AARS1: variants seen among roughly 807,000 people sequenced by gnomAD.
AARS1 encodes the protein alanine--tRNA ligase, cytoplasmic.
In AARS1, 72 loss-of-function variants were observed where a neutral mutation model predicts 108.9. The ratio of observed to expected loss-of-function variants is 0.66; its 90% CI spans 0.55 to 0.80. The LOEUF is 0.80. AARS1 is among the 30% of genes least tolerant of loss of function. The pLI, the probability that AARS1 is intolerant of heterozygous loss-of-function variation, is 0.00. For missense variants in AARS1, 1,193 were observed against 1,233.2 expected, an observed-to-expected ratio of 0.97 and a Z score of 0.49; for synonymous variants, 489 against 465.7, an observed-to-expected ratio of 1.05 and a Z score of -0.64.
chr16:70,277,149 T>C lies in AARS1; in HGVS notation c.150A>G (p.Lys50=). 6.2e-7 allele frequency: 1 copy of C among 1,613,900 alleles called. No homozygotes were observed. ...GGTCAATTGTGTTCAGGAAAATGGGTTTAAACTAAAAGAGAAGGACAGCAG... is the reference window on the plus strand; with the variant it reads ...GGTCAATTGTGTTCAGGAAAATGGGCTTAAACTAAAAGAGAAGGACAGCAG... The part of the protein sequence containing the change: ...LFANAGMNQF[K]PIFLNTIDPS... The change falls in exon 3 of 21, where the codon AAA becomes AAG. Residue 50 remains lysine (K), a synonymous_variant. Transcript: ENST00000261772.
chr16:70,268,142 T>C, intron 8 of AARS1, 129 bp downstream of exon 8: 1 of 883,306 alleles, frequency 1.1e-6, no homozygotes, highest in South Asian at 1.4e-5. Context: ...CACTCCAGCG[T>C]GGGTGACAGA....
At chr16:70,268,999 G>A (rs927889179) in intron 7 of AARS1, among the ~76,000 whole-genome samples, 3 of 152,094 alleles carry the variant, frequency 2.0e-5, no homozygotes, top group African/African-American at 7.2e-5. Context: ...CTGAGGTCAG[G>A]AGTTCGAGAC....
At position 70,277,041 on chromosome 16, in the gene AARS1, G is replaced by A. The variant is rs1960568752; in HGVS notation, c.258C>T (p.Asp86=). The stretch of plus-strand genomic sequence containing the variant: ...GATGATAGACATCCTTGCCCACATC[G>A]TCCAGGTCATTATGTTTGCCCCCAG... The part of the protein sequence containing the change: ...IRAGGKHNDL[D]DVGKDVYHHT... Residue 86 remains aspartate, a synonymous_variant, in exon 3 of 21, where the codon GAC becomes GAT. Coordinates refer to ENST00000261772, the MANE Select transcript of AARS1 (RefSeq NM_001605.3). 2.5e-6 allele frequency: 4 copies of A among 1,614,124 alleles called. No individual in the cohort carries two copies. The highest frequency in any genetic ancestry group is 3.4e-6 in the Non-Finnish European group (4 of 1,180,028).
In AARS1 at chr16:70,255,261, G is replaced by A. The variant is rs562764203; in HGVS notation, c.2286+467C>T. ...GTCACCCAAGCTGGAACGCAGTGGT[G>A]CGATCTCGGCTCACTGCAACCTCTG... On this transcript the variant is annotated intron_variant, in intron 16 of 20. Transcript: ENST00000261772. 3.5e-5 allele frequency among the ~76,000 whole-genome samples: 5 copies of A among 144,906 alleles called. No individual in the cohort carries two copies. In the South Asian group the frequency reaches 1.1e-3, roughly 31 times the overall value.
At chr16:70,274,315 T>C (rs1483967099) in intron 4 of AARS1, among the ~76,000 whole-genome samples, 2 of 150,644 alleles carry the variant, frequency 1.3e-5, no homozygotes, top group African/African-American at 2.5e-5. Flanking sequence ...CACTCCAGCC[T>C]GGGCAACAAG....
chr16:70,253,667 AG>A (rs769349723), intron 19 of AARS1, 46 bp downstream of exon 19: 1 of 1,592,668 alleles, frequency 6.3e-7, no homozygotes. Flanking sequence ...GTCAGCCACC[AG>A]AGAGCTGATG....
At chr16:70,258,269 G>C in intron 14 of AARS1, 52 bp from the exon 15 acceptor site, 1 of 1,542,864 alleles carries the variant, frequency 6.5e-7, no homozygotes, top group Admixed American at 1.9e-5. Context: ...TGGAGGTGCG[G>C]TACGACGAGG....
intron 5 of AARS1, 60 bp downstream of exon 5, chr16:70,271,721 C>A: frequency 1.3e-6 from 2 of 1,543,044 alleles, no homozygotes; most frequent in Non-Finnish European, 1.8e-6. Flanking sequence ...CTACACAGCT[C>A]CGAGTTCCTC....
intron 2 of AARS1, among the ~76,000 whole-genome samples, chr16:70,280,484 T>C (rs748119010): frequency 6.6e-6 from 1 of 152,186 alleles, no homozygotes; most frequent in Non-Finnish European, 1.5e-5. Flanking sequence ...CATAATTTTA[T>C]AGTTAATATT....
At chr16:70,275,500 C>A (rs969735493) in intron 4 of AARS1, among the ~76,000 whole-genome samples, 1 of 149,490 alleles carries the variant, frequency 6.7e-6, no homozygotes, top group African/African-American at 2.5e-5. Context: ...TGGTTCCTCA[C>A]GCCTGTAATC....
Position 70,259,200 on chromosome 16 carries a change from A to AG in AARS1, c.1786-15dup, listed in dbSNP as rs774290442. The stretch of plus-strand genomic sequence containing the variant: ...TCTTCGTCGGGGCTGGAAAGGGCAG[A>AG]GGGGCTCATGGAGAGGTCTGTAATA... On this transcript the variant is annotated splice_polypyrimidine_tract_variant and intron_variant, in intron 13 of 20. Coordinates refer to ENST00000261772, the MANE Select transcript of AARS1 (RefSeq NM_001605.3). 1.2e-6 allele frequency: 2 copies of AG among 1,612,378 alleles called. No homozygotes were observed. The highest frequency in any genetic ancestry group is 2.2e-5 in the South Asian group (2 of 90,996).
intron 4 of AARS1, among the ~76,000 whole-genome samples, chr16:70,274,472 T>C (rs890905131): frequency 6.6e-6 from 1 of 151,936 alleles, no homozygotes; most frequent in South Asian, 2.1e-4. Flanking sequence ...ACACCTGTAA[T>C]CCCAGCACTT....
Position 70,269,625 on chromosome 16 carries a change from C to G in AARS1, c.955G>C (p.Gly319Arg). Residue 319 changes from glycine (G) to arginine (R), a missense_variant, in exon 7 of 21, where the codon GGG becomes CGG. By Grantham distance (125) the Gly-to-Arg change is moderately radical (BLOSUM62 -2). Transcript: ENST00000261772. The part of the protein sequence containing the change: ...LADGGRPDNT[G>R]RGYVLRRILR... The stretch of plus-strand genomic sequence containing the variant: ...AGTGTGCAGCATACTTACCCACGCC[C>G]TGTGTTGTCAGGCCGGCCACCATCA... 3.1e-6 allele frequency: 5 copies of G among 1,614,096 alleles called. No individual in the cohort carries two copies. Among genetic ancestry groups the G allele is most frequent in the Non-Finnish European group, 4.2e-6 (5 of 1,180,040 alleles).
Position 70,269,639 on chromosome 16 carries a change from C to T in AARS1, c.941G>A (p.Arg314Gln), listed in dbSNP as rs370496079. 4.3e-6 allele frequency: 7 copies of T among 1,614,112 alleles called. No individual in the cohort carries two copies. Among genetic ancestry groups the T allele is most frequent in the South Asian group, 1.1e-5 (1 of 91,086 alleles). The change falls in exon 7 of 21, where the codon CGG becomes CAG. Residue 314 changes from arginine to glutamine, a missense_variant. By Grantham distance (43) the Arg-to-Gln change is conservative (BLOSUM62 1). Transcript: ENST00000261772. ...TTACCCACGCCCTGTGTTGTCAGGC[C>T]GGCCACCATCAGCCAGTGCCACAGT... ...TITVALADGGRPDNTGRGYVL... is the reference protein window; with the variant it reads ...TITVALADGGQPDNTGRGYVL...
rs368044691 is a variant in AARS1, at chr16:70,258,216, G to A, written c.1994C>T (p.Ala665Val). The stretch of plus-strand genomic sequence containing the variant: ...CAGGGGGCAATCCTGGGTATAGACG[G>A]CCTGCCAGACCAAGAAGACAGAAAA... ...IANEMIEAAKAVYTQDCPLAA... is the reference protein window; with the variant it reads ...IANEMIEAAKVVYTQDCPLAA... The change falls in exon 15 of 21, where the codon GCC becomes GTC. Residue 665 changes from alanine to valine, a missense_variant and splice_region_variant. Transcript: ENST00000261772. The A allele has an allele frequency of 7.6e-6, 12 of 1,587,564 alleles. No individual in the cohort carries two copies. Among genetic ancestry groups the A allele is most frequent in the African/African-American group, 2.7e-5 (2 of 74,312 alleles).
At chr16:70,267,580 G>C in intron 9 of AARS1, 79 bp downstream of exon 9, 1 of 1,557,482 alleles carries the variant, frequency 6.4e-7, no homozygotes, top group Non-Finnish European at 8.8e-7. Context: ...AGAGCCCACA[G>C]TCAGTCTGTC....
intron 2 of AARS1, among the ~76,000 whole-genome samples, chr16:70,279,638 C>G (rs1473803123): frequency 2.2e-5 from 2 of 89,094 alleles, no homozygotes; most frequent in Non-Finnish European, 4.2e-5. Flanking sequence ...CCAGCCTGGG[C>G]AACAAGAGCA....
Position 70,265,561 on chromosome 16 carries a change from C to T in AARS1, c.1324G>A (p.Glu442Lys), listed in dbSNP as rs1960242575. The T allele has an allele frequency of 6.2e-7, 1 of 1,613,914 alleles. No individual in the cohort carries two copies. The highest frequency in any genetic ancestry group is 1.3e-5 in the African/African-American group (1 of 74,912). The change falls in exon 10 of 21, where the codon GAA becomes AAA. Residue 442 changes from glutamate (E) to lysine (K), a missense_variant. Glu to Lys is a moderately conservative substitution (Grantham distance 56). Transcript: ENST00000261772. ...ACCTGGGCCAGTTTCCTCTCCTCTTCAAAGCCATCCATGTCTACCACCAGG... is the reference window on the plus strand; with the variant it reads ...ACCTGGGCCAGTTTCCTCTCCTCTTTAAAGCCATCCATGTCTACCACCAGG... ...KGLVVDMDGF[E>K]EERKLAQLKS...
chr16:70,263,046 A>G (rs1204751910), intron 11 of AARS1, among the ~76,000 whole-genome samples: 1 of 151,348 alleles, frequency 6.6e-6, no homozygotes, highest in Non-Finnish European at 1.5e-5. Context: ...CAAAGAATGC[A>G]ACACTCTGTC....
Sources: gnomAD v4.1 joint callset for allele counts (sites outside exome capture counted in the v4.1 genomes callset) on GRCh38, gnomAD v4.1.1 for gene constraint, MANE v1.5 for transcripts, NCBI Gene and HGNC (gene_info 2026-07-23, HGNC 2026-07-21) for gene names.